HERC4: variants seen among roughly 807,000 people sequenced by gnomAD.
HERC4 encodes probable E3 ubiquitin-protein ligase HERC4.
HERC4 carries 28 observed loss-of-function variants against 124.3 expected under a neutral mutation model. That is an observed-to-expected ratio of 0.23 (90% CI 0.17 to 0.31). The LOEUF is 0.31. Ranked by LOEUF, HERC4 falls within the 10% of genes least tolerant of loss-of-function variation. The pLI is 1.00. For synonymous variants in HERC4, 407 were observed against 421.5 expected (o/e 0.97, Z 0.42); for missense variants, 713 against 1,229.3 (o/e 0.58, Z 6.28).
At chr10:68,031,639 T>C (rs1236272124) in intron 7 of HERC4, among the ~76,000 whole-genome samples, 1 of 152,206 alleles carries the variant, frequency 6.6e-6, no homozygotes, top group Non-Finnish European at 1.5e-5. Flanking sequence ...GGTCATTATA[T>C]TTTTAAAAGT....
intron 9 of HERC4, chr10:67,994,559 A>G (rs924853606): frequency 2.0e-5 from 3 of 151,866 alleles, no homozygotes; most frequent in African/African-American, 7.3e-5. Flanking sequence ...CAGCCTCCCA[A>G]TTAGCTGGGA....
chr10:68,055,285 T>C (rs1351082527), intron 3 of HERC4, among the ~76,000 whole-genome samples: 1 of 152,232 alleles, frequency 6.6e-6, no homozygotes, highest in Non-Finnish European at 1.5e-5. Flanking sequence ...TACTAATAAT[T>C]ACCAGTAGCA....
chr10:68,034,030 A>G lies in HERC4; in HGVS notation c.620T>C (p.Leu207Pro). Residue 207 changes from leucine to proline, a missense_variant, in exon 6 of 25, where the codon CTT (leucine) becomes CCT (proline). Leu to Pro is a moderately conservative substitution (Grantham distance 98, BLOSUM62 -3). Coordinates refer to ENST00000373700, the MANE Select transcript of HERC4 (RefSeq NM_015601.4). Reference sequence around the variant, plus strand: ...TCCCCATCCAAAGATAGCTCCAGAAAGGGTGAGTACAAAACTATGGGCTCC... The same window carrying G: ...TCCCCATCCAAAGATAGCTCCAGAAGGGGTGAGTACAAAACTATGGGCTCC... The part of the protein sequence containing the change: ...AGGAHSFVLT[L>P]SGAIFGWGRN... 1.9e-6 allele frequency: 3 copies of G among 1,614,150 alleles called. No homozygotes were observed. The highest frequency in any genetic ancestry group is 1.3e-5 in the African/African-American group (1 of 75,056).
intron 9 of HERC4, chr10:68,010,569 A>G (rs1021060743): frequency 1.8e-6 from 2 of 1,093,734 alleles, no homozygotes; most frequent in Non-Finnish European, 2.7e-6. Flanking sequence ...CAGGTTCTCA[A>G]TACTGGTTCG....
intron 16 of HERC4, chr10:67,961,171 G>A (rs957085598): frequency 6.0e-6 from 1 of 165,308 alleles, no homozygotes; most frequent in Non-Finnish European, 1.3e-5. Flanking sequence ...TAAGATCCAT[G>A]CAATGGAAGT....
At chr10:67,932,320 A>C (rs2031909109) in intron 23 of HERC4, among the ~76,000 whole-genome samples, 1 of 152,128 alleles carries the variant, frequency 6.6e-6, no homozygotes, top group Non-Finnish European at 1.5e-5. Flanking sequence ...TCCTGGCCTC[A>C]AGTGATCCTC....
intron 8 of HERC4, among the ~76,000 whole-genome samples, chr10:68,018,625 T>C (rs958179207): frequency 6.6e-6 from 1 of 152,206 alleles, no homozygotes; most frequent in Non-Finnish European, 1.5e-5. Flanking sequence ...AAGGTGGTTG[T>C]ATTTAAAATC....
chr10:67,957,395 G>A (rs2034209095), intron 16 of HERC4, among the ~76,000 whole-genome samples: 1 of 152,066 alleles, frequency 6.6e-6, no homozygotes, highest in South Asian at 2.1e-4. Context: ...CAGATATTGA[G>A]TATAATGTCA....
intron 15 of HERC4, among the ~76,000 whole-genome samples, chr10:67,987,802 G>A (rs2036345566): frequency 1.3e-5 from 2 of 152,018 alleles, no homozygotes; most frequent in Admixed American, 1.3e-4. Flanking sequence ...GCCGGTAAAG[G>A]TTTGTTCTTA....
intron 4 of HERC4, chr10:68,040,002 T>C: frequency 1.4e-6 from 1 of 728,298 alleles, no homozygotes. Context: ...TCTCCTCTGC[T>C]AAACAGTAAG....
At chr10:68,021,839 C>T (rs1471874436) in intron 8 of HERC4, among the ~76,000 whole-genome samples, 8 of 150,702 alleles carry the variant, frequency 5.3e-5, no homozygotes, top group Non-Finnish European at 1.5e-5. Context: ...GGCATTCATT[C>T]AAATTGGAAA....
chr10:67,945,844 A>G (rs917052926), intron 19 of HERC4, among the ~76,000 whole-genome samples: 8 of 152,178 alleles, frequency 5.3e-5, no homozygotes, highest in Non-Finnish European at 1.0e-4. Context: ...CGAAAAATAA[A>G]AAAAAAGAAA....
At chr10:67,957,057 G>T in intron 16 of HERC4, 81 bp from the exon 17 acceptor site, 1 of 696,340 alleles carries the variant, frequency 1.4e-6, no homozygotes, top group Non-Finnish European at 2.3e-6. Context: ...TTATAAAGTG[G>T]ACTACATTCT....
intron 9 of HERC4, among the ~76,000 whole-genome samples, chr10:67,998,960 A>C (rs958814336): frequency 9.9e-5 from 15 of 152,022 alleles, no homozygotes; most frequent in African/African-American, 3.1e-4. Flanking sequence ...CAAACTCCTG[A>C]CCTCAGGTGA....
chr10:68,039,971 T>C, intron 4 of HERC4: 1 of 750,922 alleles, frequency 1.3e-6, no homozygotes, highest in Non-Finnish European at 1.6e-6. Context: ...TAACCACAGG[T>C]ACCTATTCAT....
chr10:67,952,189 T>C (rs1016457092), intron 19 of HERC4, among the ~76,000 whole-genome samples: 55 of 152,216 alleles, frequency 3.6e-4, no homozygotes, highest in African/African-American at 1.2e-3. Flanking sequence ...CTCACTATAA[T>C]AACTCCCTTG....
chr10:67,951,379 T>A (rs1288552952), intron 19 of HERC4, among the ~76,000 whole-genome samples: 3 of 152,222 alleles, frequency 2.0e-5, no homozygotes, highest in African/African-American at 7.2e-5. Flanking sequence ...TATGCCTGTT[T>A]ACAGAACAAA....
chr10:68,056,996 T>C (rs1214844396), intron 3 of HERC4, among the ~76,000 whole-genome samples: 1 of 152,220 alleles, frequency 6.6e-6, no homozygotes, highest in African/African-American at 2.4e-5. Context: ...GAGTTGTTTT[T>C]GCATTTTGTT....
intron 3 of HERC4, among the ~76,000 whole-genome samples, chr10:68,064,280 G>A (rs1216276225): frequency 6.6e-6 from 1 of 152,082 alleles, no homozygotes; most frequent in Non-Finnish European, 1.5e-5. Flanking sequence ...TAGGCCGGGT[G>A]CCGTGGCTCA....
Sources: allele counts gnomAD v4.1 joint callset (sites outside exome capture counted in the v4.1 genomes callset), GRCh38; gene constraint gnomAD v4.1.1; transcripts MANE v1.5; gene names NCBI Gene and HGNC (gene_info 2026-07-23, HGNC 2026-07-21).